ADGRG1: variants seen among roughly 807,000 people sequenced by gnomAD.
The protein encoded by ADGRG1 is 7-transmembrane protein with no EGF-like N-terminal domains-1.
Under a neutral mutation model 73.5 loss-of-function variants are expected in ADGRG1, and 53 were observed. The observed-to-expected ratio is 0.72, with a 90% CI of 0.58 to 0.91. The LOEUF is 0.91. Ranked by LOEUF, ADGRG1 falls within the 40% of genes least tolerant of loss-of-function variation. The probability of loss-of-function intolerance (pLI) is 0.00; values close to 1 mark genes in which losing one functional copy is unlikely to be tolerated. For missense variants in ADGRG1, 795 were observed against 871.8 expected (o/e 0.91, Z 1.11); for synonymous variants, 394 against 374.4 (o/e 1.05, Z -0.60).
In ADGRG1 at chr16:57,651,380, C is replaced by T; in HGVS notation, c.245C>T (p.Pro82Leu). 1.2e-6 allele frequency: 2 copies of T among 1,614,242 alleles called. No homozygotes were observed. Among genetic ancestry groups the T allele is most frequent in the South Asian group, 2.2e-5 (2 of 91,082 alleles). ...PAAHPASRSF[P>L]DPRGLYHFCL... Reference sequence around the variant, plus strand: ...GCCCACCCTGCTTCCCGATCCTTCCCTGACCCCAGGGGCCTCTACCACTTC... The same window carrying T: ...GCCCACCCTGCTTCCCGATCCTTCCTTGACCCCAGGGGCCTCTACCACTTC... Residue 82 changes from proline to leucine, a missense_variant, in exon 3 of 14, where the codon CCT (proline) becomes CTT (leucine). Transcript: ENST00000562631.
chr16:57,652,511 A>G (rs1268886632), intron 3 of ADGRG1, among the ~76,000 whole-genome samples: 1 of 152,202 alleles, frequency 6.6e-6, no homozygotes, highest in Non-Finnish European at 1.5e-5. Context: ...GGGAGGATTT[A>G]GGGCAAAGTT....
In ADGRG1 at chr16:57,646,979, C is replaced by T. The variant is rs551118132; in HGVS notation, c.-35-3274C>T. 12 of 974,980 alleles carry T rather than the reference C, an allele frequency of 1.2e-5. No individual in the cohort carries two copies. The East Asian group carries it at 3.6e-4, about 30-fold the overall frequency. 60.4% of individuals were successfully genotyped at this position (974,980 alleles called of 1,614,324 possible). On this transcript the variant is annotated intron_variant, in intron 1 of 13. Transcript: ENST00000562631. ...GCGCCTGATGGCTGAGGCCCTGTAG[C>T]GCTGGGGATCTGCGGCTCCAGAGGC...
At chr16:57,655,803 AAGGGGCTTCTG>A in intron 6 of ADGRG1, 62 bp from the exon 7 acceptor site, 1 of 1,613,648 alleles carries the variant, frequency 6.2e-7, no homozygotes, top group Non-Finnish European at 8.5e-7. Flanking sequence ...TAGAGAGGGT[AAGGGGCTTCTG>A]GGCCCTTCTT....
intron 1 of ADGRG1, chr16:57,643,617 T>C (rs1351918768): frequency 1.0e-6 from 1 of 983,766 alleles, no homozygotes; most frequent in Non-Finnish European, 1.2e-6. Flanking sequence ...CCCTGGGCAG[T>C]GAGTGGGCCA....
rs374209597 is a variant in ADGRG1 at position 57,654,097 on chromosome 16, C to T, written c.732C>T (p.Ala244=). 5.0e-6 allele frequency: 8 copies of T among 1,613,644 alleles called. No homozygotes were observed. The highest frequency in any genetic ancestry group is 3.3e-5 in the Admixed American group (2 of 60,024). ...CGGTGTGGAAGCTCCAGCCCACAGC[C>T]GGCCTCCAGGACCTGCACATCCACT... ...NATVWKLQPT[A]GLQDLHIHSR... is the part of the protein sequence containing the mutation. The change falls in exon 5 of 14, where the codon GCC becomes GCT. Residue 244 remains alanine, a synonymous_variant. Transcript: ENST00000562631.
At position 57,664,546 on chromosome 16, in the gene ADGRG1, C is replaced by G. The variant is rs1337160512; in HGVS notation, c.*964C>G. The G allele has an allele frequency of 6.6e-6, 1 of 152,472 alleles. No homozygotes were observed. Among genetic ancestry groups the G allele is most frequent in the Non-Finnish European group, 1.5e-5 (1 of 68,220 alleles). 9.4% of individuals were successfully genotyped at this position (152,472 alleles called of 1,614,324 possible). ...GTCCCGTCTGGTTTCCATCCCACCA[C>G]TCCAAGGACTGAGACTGACCTCCTC... On this transcript the variant is annotated 3_prime_UTR_variant, in exon 14 of 14. Coordinates refer to ENST00000562631, the MANE Select transcript of ADGRG1 (RefSeq NM_201525.4).
chr16:57,654,397 G>T (rs1279532348), intron 5 of ADGRG1, among the ~76,000 whole-genome samples: 1 of 143,226 alleles, frequency 7.0e-6, no homozygotes, highest in Non-Finnish European at 1.5e-5. Context: ...GCCCCTAAAC[G>T]CCTGTCCACG....
At chr16:57,662,194 C>T (rs1172444688) in intron 13 of ADGRG1, among the ~76,000 whole-genome samples, 1 of 152,126 alleles carries the variant, frequency 6.6e-6, no homozygotes, top group South Asian at 2.1e-4. Flanking sequence ...TGGGTGTGGG[C>T]CTTGTTCTTT....
intron 13 of ADGRG1, among the ~76,000 whole-genome samples, chr16:57,662,289 G>A (rs1030876700): frequency 3.3e-5 from 5 of 152,328 alleles, no homozygotes; most frequent in Non-Finnish European, 7.4e-5. Flanking sequence ...TAGGGACATC[G>A]TCGTGAGCAC....
chr16:57,633,104 A>G (rs1213046949), intron 1 of ADGRG1: 3 of 336,696 alleles, frequency 8.9e-6, no homozygotes, highest in Non-Finnish European at 1.3e-5. Context: ...GGAGACTTGC[A>G]TTCCACTGCC....
At chr16:57,623,025 G>A (rs890679932), upstream of ADGRG1, 25 of 985,324 alleles carry the variant, frequency 2.5e-5, no homozygotes, top group African/African-American at 4.2e-4. Flanking sequence ...GAACCAAGAA[G>A]ATGGTATGGA....
intron 4 of ADGRG1, 41 bp downstream of exon 4, chr16:57,653,376 C>T: frequency 6.2e-7 from 1 of 1,601,380 alleles, no homozygotes; most frequent in African/African-American, 1.3e-5. Context: ...GGCAGGAAGG[C>T]ATCAGAGATC....
chr16:57,647,469 T>G (rs1398140925), intron 1 of ADGRG1: 1 of 980,904 alleles, frequency 1.0e-6, no homozygotes, highest in Non-Finnish European at 1.2e-6. Flanking sequence ...CTGAGACTGA[T>G]GGCACCTGCC....
At chr16:57,622,773 G>A (rs2035101889), upstream of ADGRG1, 2 of 985,264 alleles carry the variant, frequency 2.0e-6, no homozygotes, top group African/African-American at 1.7e-5. Context: ...GGAAGACGGG[G>A]CGGCCACACT....
chr16:57,659,721 CCACTTGGCT>C (rs2046618403), intron 11 of ADGRG1, 40 bp downstream of exon 11: 3 of 1,609,784 alleles, frequency 1.9e-6, no homozygotes, highest in Admixed American at 1.7e-5. Context: ...CCTGCCTCTC[CCACTTGGCT>C]CTGGCAAAAC....
At chr16:57,652,376 G>T (rs1298923465) in intron 3 of ADGRG1, among the ~76,000 whole-genome samples, 5 of 151,910 alleles carry the variant, frequency 3.3e-5, no homozygotes, top group African/African-American at 4.8e-5. Flanking sequence ...AGGGGTGGGG[G>T]GCACAGCACT....
upstream of ADGRG1, chr16:57,623,281 C>G (rs567813449): frequency 3.8e-5 from 37 of 971,224 alleles, no homozygotes; most frequent in Non-Finnish European, 4.4e-5. Flanking sequence ...CAGGTGTGGA[C>G]GCAGGAGCCC....
At chr16:57,652,657 A>G (rs1231279560) in intron 3 of ADGRG1, 1 of 987,480 alleles carries the variant, frequency 1.0e-6, no homozygotes, top group Non-Finnish European at 1.2e-6. Flanking sequence ...TGCATTCAAA[A>G]GATGGAGCTA....
upstream of ADGRG1, among the ~76,000 whole-genome samples, chr16:57,623,492 G>A (rs1036545740): frequency 1.3e-5 from 2 of 152,182 alleles, no homozygotes; most frequent in East Asian, 1.9e-4. Flanking sequence ...CTGTGTGCCC[G>A]GCCTTTCATT....
Sources: gnomAD v4.1 joint callset for allele counts (sites outside exome capture counted in the v4.1 genomes callset) on GRCh38, gnomAD v4.1.1 for gene constraint, MANE v1.5 for transcripts, NCBI Gene and HGNC (gene_info 2026-07-23, HGNC 2026-07-21) for gene names.